Variants in PTPRN2 observed in about 807,000 individuals in gnomAD.
PTPRN2 encodes receptor-type tyrosine-protein phosphatase N2.
PTPRN2 carries 74 observed loss-of-function variants against 118.8 expected under a neutral mutation model. That is an observed-to-expected ratio of 0.62 (90% CI 0.52 to 0.76). PTPRN2 has a LOEUF of 0.76. PTPRN2 is among the 30% of genes least tolerant of loss of function. The pLI, the probability that PTPRN2 is intolerant of heterozygous loss-of-function variation, is 0.00. For missense variants in PTPRN2, 1,481 were observed against 1,394.4 expected, an observed-to-expected ratio of 1.06 and a Z score of -0.99; for synonymous variants, 641 against 608.0, an observed-to-expected ratio of 1.05 and a Z score of -0.80.
At chr7:158,326,108 G>T (rs1427910175) in intron 2 of PTPRN2, among the ~76,000 whole-genome samples, 1 of 152,222 alleles carries the variant, frequency 6.6e-6, no homozygotes, top group Non-Finnish European at 1.5e-5. Context: ...CCCGCCGCAG[G>T]TCTTGAGTCT....
At chr7:158,183,240 C>A (rs977566061) in intron 5 of PTPRN2, among the ~76,000 whole-genome samples, 4 of 152,152 alleles carry the variant, frequency 2.6e-5, no homozygotes, top group African/African-American at 9.7e-5. Context: ...TTTATCCATT[C>A]TACCAATCTG....
At chr7:157,559,725 C>T (rs1563212947) in intron 21 of PTPRN2, among the ~76,000 whole-genome samples, 1 of 152,196 alleles carries the variant, frequency 6.6e-6, no homozygotes, top group East Asian at 1.9e-4. Context: ...TTGATCCCCT[C>T]CCGAATTTCC....
At position 158,236,013 on chromosome 7, in the gene PTPRN2, G is replaced by C. The variant is rs549165747; in HGVS notation, c.278-30740C>G. 2.6e-5 allele frequency among the ~76,000 whole-genome samples: 4 copies of C among 152,220 alleles called. No homozygotes were observed. The East Asian group carries it at 7.7e-4, about 29-fold the overall frequency. On this transcript the variant is annotated intron_variant, in intron 3 of 22. Transcript: ENST00000389418. ...CATTCTAGGACACGGAGACGTCGTG[G>C]GGGAAACTGCAGGGTGACTGAAGAA...
At chr7:157,760,019 C>A (rs1802035486) in intron 12 of PTPRN2, among the ~76,000 whole-genome samples, 1 of 152,174 alleles carries the variant, frequency 6.6e-6, no homozygotes. Context: ...GGGGACCCAC[C>A]CCTTCCTTCC....
chr7:158,141,584 G>C (rs1223484084), intron 6 of PTPRN2, among the ~76,000 whole-genome samples: 1 of 152,180 alleles, frequency 6.6e-6, no homozygotes, highest in African/African-American at 2.4e-5. Flanking sequence ...ATTGAAGCTG[G>C]TTCTTCAGGG....
At position 157,618,969 on chromosome 7, in the gene PTPRN2, C is replaced by T. The variant is rs187348433; in HGVS notation, c.2344+2393G>A. Among the ~76,000 whole-genome samples the T allele has an allele frequency of 1.6e-4, 24 of 152,112 alleles. No homozygotes were observed. The highest frequency in any genetic ancestry group is 2.9e-4 in the Non-Finnish European group (20 of 68,026). ...AGGTGCTTTCCCCCTCACCCGTCACCTGGCTCAGAATGGGCAGGGCTGTCC... is the reference window on the plus strand; with the variant it reads ...AGGTGCTTTCCCCCTCACCCGTCACTTGGCTCAGAATGGGCAGGGCTGTCC... On this transcript the variant is annotated intron_variant, in intron 15 of 22. Coordinates refer to ENST00000389418, the MANE Select transcript of PTPRN2 (RefSeq NM_002847.5). This position sits in a 1 kb window ranked among gnomAD's most constrained non-coding sequence, Gnocchi z 4.2.
intron 11 of PTPRN2, among the ~76,000 whole-genome samples, chr7:158,066,123 C>T (rs1810753518): frequency 6.6e-6 from 1 of 152,190 alleles, no homozygotes; most frequent in African/African-American, 2.4e-5. Context: ...CTTTGTTTCT[C>T]TAGCAAGGAA....
In PTPRN2 at chr7:158,103,201, C is replaced by T. The variant is rs1017748085; in HGVS notation, c.1643+7628G>A. Among the ~76,000 whole-genome samples the T allele has an allele frequency of 7.2e-5, 11 of 152,136 alleles. No individual in the cohort carries two copies. In the East Asian group the frequency reaches 7.7e-4, roughly 11 times the overall value. ...TCCCTGTGCGCATGGCCTGGGCCCACGATGAGTTCCTGAGTCCTAAAACTA... is the reference window on the plus strand; with the variant it reads ...TCCCTGTGCGCATGGCCTGGGCCCATGATGAGTTCCTGAGTCCTAAAACTA... On this transcript the variant is annotated intron_variant, in intron 10 of 22. Transcript: ENST00000389418.
intron 5 of PTPRN2, among the ~76,000 whole-genome samples, chr7:158,182,646 CA>C (rs1460141085): frequency 6.6e-6 from 1 of 152,208 alleles, no homozygotes; most frequent in African/African-American, 2.4e-5. Context: ...CTCCAAGGGA[CA>C]TGATCTCATT....
At position 157,788,204 on chromosome 7, in the gene PTPRN2, T is replaced by C. The variant is rs531448698; in HGVS notation, c.1789-105267A>G. 1.7e-3 allele frequency among the ~76,000 whole-genome samples: 262 copies of C among 151,998 alleles called. 1 individual carries two copies. Among genetic ancestry groups the C allele is most frequent in the African/African-American group, 6.2e-3 (257 of 41,432 alleles). On this transcript the variant is annotated intron_variant, in intron 12 of 22. Coordinates refer to ENST00000389418, the MANE Select transcript of PTPRN2 (RefSeq NM_002847.5). ...TCCCGGCTAACATGGTGAAACTCCG[T>C]CTCTACTAAAAGTACAAAAAAGTAG...
intron 11 of PTPRN2, among the ~76,000 whole-genome samples, chr7:158,058,230 C>A (rs1809966701): frequency 6.7e-6 from 1 of 149,198 alleles, no homozygotes; most frequent in Admixed American, 6.7e-5. Context: ...ATCACTGCAG[C>A]CACACTCCAT....
Position 158,246,543 on chromosome 7 carries a change from G to A in PTPRN2, c.278-41270C>T, listed in dbSNP as rs567480123. 7.8e-4 allele frequency among the ~76,000 whole-genome samples: 118 copies of A among 151,056 alleles called. 2 individuals are homozygous for A. Among genetic ancestry groups the A allele is most frequent in the African/African-American group, 2.8e-3 (113 of 41,048 alleles). On this transcript the variant is annotated intron_variant, in intron 3 of 22. Transcript: ENST00000389418. ...GAGCGTTTCACAAGTCACCGTGGGT[G>A]GTCATTGTCCTTGTCCACGGGATTT...
At chr7:157,571,164 G>C (rs1455469690) in intron 20 of PTPRN2, among the ~76,000 whole-genome samples, 1 of 142,652 alleles carries the variant, frequency 7.0e-6, no homozygotes, top group South Asian at 2.2e-4. Context: ...TGAGCCTGAC[G>C]AGACCACGCC....
rs1367212287 is a variant in PTPRN2, at chr7:157,935,536, C to G, written c.1724-36799G>C. On this transcript the variant is annotated intron_variant, in intron 11 of 22. Transcript: ENST00000389418. ...TTCCCACGTGTCCCCTCTTCTCCGTCTTTCCCTTTACGTTCTTGAACAGAT... is the reference window on the plus strand; with the variant it reads ...TTCCCACGTGTCCCCTCTTCTCCGTGTTTCCCTTTACGTTCTTGAACAGAT... 2.6e-5 allele frequency among the ~76,000 whole-genome samples: 4 copies of G among 152,256 alleles called. No homozygotes were observed. In the East Asian group the frequency reaches 7.7e-4, roughly 29 times the overall value.
intron 11 of PTPRN2, among the ~76,000 whole-genome samples, chr7:158,024,003 C>T (rs1046727002): frequency 6.6e-6 from 1 of 152,162 alleles, no homozygotes; most frequent in Non-Finnish European, 1.5e-5. Flanking sequence ...TAGATACCAC[C>T]ATTACCTCCA....
chr7:158,489,433 C>G (rs1821268080), intron 2 of PTPRN2, among the ~76,000 whole-genome samples: 1 of 152,194 alleles, frequency 6.6e-6, no homozygotes, highest in Non-Finnish European at 1.5e-5. Context: ...GGCGACAGAG[C>G]GAGACTCTGT....
At chr7:158,143,858 C>A (rs1208243520) in intron 6 of PTPRN2, among the ~76,000 whole-genome samples, 1 of 152,128 alleles carries the variant, frequency 6.6e-6, no homozygotes, top group South Asian at 2.1e-4. Context: ...ACAGCAGGCA[C>A]CACAAGGCCT....
At chr7:158,518,994 A>C (rs1247064006) in intron 1 of PTPRN2, among the ~76,000 whole-genome samples, 1 of 152,092 alleles carries the variant, frequency 6.6e-6, no homozygotes, top group Non-Finnish European at 1.5e-5. Flanking sequence ...TCTCTAAACA[A>C]ACAAACAAAA....
chr7:158,070,257 A>G (rs576747682), intron 11 of PTPRN2, among the ~76,000 whole-genome samples: 33 of 150,952 alleles, frequency 2.2e-4, no homozygotes, highest in Non-Finnish European at 3.8e-4. Context: ...AGAGGTGCTC[A>G]TGGTGATGGA....
Sources: gnomAD v4.1 joint callset for allele counts (sites outside exome capture counted in the v4.1 genomes callset) on GRCh38, gnomAD v4.1.1 for gene constraint, Gnocchi (gnomAD v3.1) non-coding constraint, MANE v1.5 for transcripts, NCBI Gene and HGNC (gene_info 2026-07-23, HGNC 2026-07-21) for gene names.